Variants in RIN2 observed in about 807,000 individuals in gnomAD.
RIN2 encodes the protein Ras and Rab interactor 2.
A neutral mutation model predicts 78.0 loss-of-function variants in RIN2; 36 were observed. That is an observed-to-expected ratio of 0.46 (90% confidence interval 0.35 to 0.61). The LOEUF (loss-of-function observed/expected upper bound fraction) is 0.61. RIN2 is among the 20% of genes least tolerant of loss of function. The pLI, the probability that RIN2 is intolerant of heterozygous loss-of-function variation, is 0.00. For synonymous variants in RIN2, 466 were observed against 466.8 expected (o/e 1.00, Z 0.02); for missense variants, 1,087 against 1,159.7 (o/e 0.94, Z 0.91).
At chr20:19,884,495 T>C (rs1480618542) in intron 2 of RIN2, among the ~76,000 whole-genome samples, 1 of 152,216 alleles carries the variant, frequency 6.6e-6, no homozygotes, top group East Asian at 1.9e-4. Context: ...GTTCTTTCCA[T>C]ATGACTTCTT....
chr20:19,979,404 T>C (rs1487715085), intron 9 of RIN2, among the ~76,000 whole-genome samples: 1 of 152,212 alleles, frequency 6.6e-6, no homozygotes, highest in Non-Finnish European at 1.5e-5. Flanking sequence ...AATTTAACAA[T>C]TTGAAGAAAA....
intron 2 of RIN2, among the ~76,000 whole-genome samples, chr20:19,850,990 A>AAAGGAAGGAAGGAAGG (rs199637524): frequency 7.1e-4 from 71 of 99,354 alleles, no homozygotes; most frequent in African/African-American, 1.9e-3. Flanking sequence ...GAAAGGGAGA[A>AAAGGAAGGAAGGAAGG]AAGGAAGGAA....
At chr20:19,914,439 C>T (rs2039600983) in intron 3 of RIN2, among the ~76,000 whole-genome samples, 1 of 152,198 alleles carries the variant, frequency 6.6e-6, no homozygotes, top group South Asian at 2.1e-4. Flanking sequence ...TGTACTTTCC[C>T]ACCATCAGAA....
At chr20:19,948,405 T>A (rs943156391) in intron 4 of RIN2, among the ~76,000 whole-genome samples, 9 of 152,124 alleles carry the variant, frequency 5.9e-5, no homozygotes, top group Admixed American at 2.6e-4. Flanking sequence ...CATATACATA[T>A]TTTTTTGGAG....
intron 1 of RIN2, among the ~76,000 whole-genome samples, chr20:19,766,086 C>G (rs746626692): frequency 1.3e-5 from 2 of 152,102 alleles, no homozygotes; most frequent in Non-Finnish European, 2.9e-5. Context: ...CAGACAGCTC[C>G]CTGTCCTTCC....
At chr20:19,832,779 T>C (rs2036288373) in intron 2 of RIN2, among the ~76,000 whole-genome samples, 1 of 152,128 alleles carries the variant, frequency 6.6e-6, no homozygotes, top group Admixed American at 6.5e-5. Flanking sequence ...ACGAATGCTC[T>C]GTCCTCATGC....
At chr20:19,812,679 C>A (rs2035640215) in intron 2 of RIN2, among the ~76,000 whole-genome samples, 1 of 152,180 alleles carries the variant, frequency 6.6e-6, no homozygotes, top group Admixed American at 6.5e-5. Flanking sequence ...TGCAGCACCC[C>A]CCCATTCAGA....
intron 7 of RIN2, among the ~76,000 whole-genome samples, chr20:19,970,286 C>T (rs1399224239): frequency 2.6e-5 from 4 of 152,240 alleles, no homozygotes; most frequent in Non-Finnish European, 5.9e-5. Flanking sequence ...ATTAGAGAAG[C>T]TCTGCCTTCA....
chr20:19,899,449 T>C (rs2038883805), intron 3 of RIN2, among the ~76,000 whole-genome samples: 1 of 152,202 alleles, frequency 6.6e-6, no homozygotes, highest in African/African-American at 2.4e-5. Flanking sequence ...AGCTGTACTA[T>C]CTATTGCTGT....
chr20:19,860,507 G>C (rs1223085037), intron 2 of RIN2, among the ~76,000 whole-genome samples: 1 of 148,790 alleles, frequency 6.7e-6, no homozygotes, highest in African/African-American at 2.5e-5. Context: ...ATTTTTAGTA[G>C]AGACGGGGTT....
intron 2 of RIN2, among the ~76,000 whole-genome samples, chr20:19,850,932 C>T (rs2036938649): frequency 1.3e-5 from 2 of 151,176 alleles, no homozygotes; most frequent in Non-Finnish European, 1.5e-5. Flanking sequence ...CAAGATCGTG[C>T]CACTGCACTC....
intron 1 of RIN2, among the ~76,000 whole-genome samples, chr20:19,759,640 A>G (rs2033550879): frequency 6.6e-6 from 1 of 152,132 alleles, no homozygotes; most frequent in South Asian, 2.1e-4. Context: ...CAAGGCAGGC[A>G]GATCACTTGA....
At chr20:19,963,858 T>C (rs868062728) in intron 6 of RIN2, among the ~76,000 whole-genome samples, 257 of 82,716 alleles carry the variant, frequency 3.1e-3, no homozygotes, top group Non-Finnish European at 4.4e-3. Context: ...TATGTGTCTT[T>C]TTTTTTTTTT....
At chr20:19,875,632 C>CT (rs1017871006) in intron 2 of RIN2, among the ~76,000 whole-genome samples, 6 of 152,132 alleles carry the variant, frequency 3.9e-5, no homozygotes, top group Non-Finnish European at 7.4e-5. Context: ...AAAAATTAAA[C>CT]TTTTTTTAAT....
chr20:19,834,231 A>G (rs1262319094), intron 2 of RIN2, among the ~76,000 whole-genome samples: 2 of 152,204 alleles, frequency 1.3e-5, no homozygotes, highest in Non-Finnish European at 2.9e-5. Flanking sequence ...AACCACTGGC[A>G]TGAGCAGCAG....
rs376266395 is a variant in RIN2, at chr20:19,810,854, C to T, written c.-37+11107C>T. The stretch of plus-strand genomic sequence containing the variant: ...GACTACAGGCACCCACCACCATGCC[C>T]GGCTAAATTTTGTGTGTGTGTGTGT... On this transcript the variant is annotated intron_variant, in intron 2 of 12. Coordinates refer to ENST00000255006, the MANE Select transcript of RIN2 (RefSeq NM_018993.4). Among the ~76,000 whole-genome samples the T allele has an allele frequency of 1.6e-4, 24 of 147,390 alleles. No homozygotes were observed. The East Asian group carries it at 3.2e-3, about 20-fold the overall frequency.
intron 9 of RIN2, among the ~76,000 whole-genome samples, chr20:19,977,050 A>G (rs1173161959): frequency 1.3e-5 from 2 of 152,182 alleles, no homozygotes. Context: ...TGAAAAAGAC[A>G]TCAAGGAGAC....
At chr20:19,863,936 A>G (rs960889421) in intron 2 of RIN2, among the ~76,000 whole-genome samples, 2 of 151,210 alleles carry the variant, frequency 1.3e-5, no homozygotes, top group Non-Finnish European at 2.9e-5. Context: ...CACAGTGAAT[A>G]ATGGTCAGTT....
chr20:19,888,263 G>A (rs538413514), intron 2 of RIN2, among the ~76,000 whole-genome samples: 17 of 152,258 alleles, frequency 1.1e-4, no homozygotes, highest in African/African-American at 3.4e-4. Context: ...ATGGGATTCC[G>A]TGCACAGATC....
Sources: allele counts gnomAD v4.1 joint callset (sites outside exome capture counted in the v4.1 genomes callset), GRCh38; gene constraint gnomAD v4.1.1; transcripts MANE v1.5; gene names NCBI Gene and HGNC (gene_info 2026-07-23, HGNC 2026-07-21).